The following ZNF407 variants were observed in gnomAD, a reference collection of about 807,000 sequenced individuals.
The protein encoded by ZNF407 is zinc finger protein 407.
Under a neutral mutation model 131.2 loss-of-function variants are expected in ZNF407, and 17 were observed. That is an observed-to-expected ratio of 0.13 (90% CI 0.09 to 0.19). ZNF407 has a LOEUF of 0.19. Ranked by LOEUF, ZNF407 falls within the 10% of genes least tolerant of loss-of-function variation. The probability of loss-of-function intolerance (pLI) is 1.00; values close to 1 mark genes in which losing one functional copy is unlikely to be tolerated. For synonymous variants in ZNF407, 1,156 were observed against 1,062.0 expected (o/e 1.09, Z -1.72); for missense variants, 2,681 against 2,830.6 (o/e 0.95, Z 1.20).
chr18:74,626,119 C>T (rs952965224), intron 1 of ZNF407, among the ~76,000 whole-genome samples: 35 of 152,250 alleles, frequency 2.3e-4, no homozygotes, highest in African/African-American at 8.2e-4. Context: ...TAACAAAGCA[C>T]ATTAAAAAGT....
intron 3 of ZNF407, among the ~76,000 whole-genome samples, chr18:74,710,722 A>G (rs539159702): frequency 6.6e-6 from 1 of 152,356 alleles, no homozygotes; most frequent in African/African-American, 2.4e-5. Flanking sequence ...AAAAACTAGC[A>G]GTAAAGGGCT....
At chr18:74,745,649 C>A (rs1968652271) in intron 3 of ZNF407, among the ~76,000 whole-genome samples, 1 of 152,158 alleles carries the variant, frequency 6.6e-6, no homozygotes, top group Admixed American at 6.5e-5. Context: ...AACATACTTT[C>A]TCCATCAATT....
At chr18:74,894,581 C>T (rs988607784) in intron 7 of ZNF407, among the ~76,000 whole-genome samples, 6 of 152,094 alleles carry the variant, frequency 3.9e-5, no homozygotes, top group African/African-American at 1.4e-4. Flanking sequence ...ATGTGTTTCA[C>T]TTCAGTGGCC....
chr18:75,061,160 A>G (rs1973629095), intron 8 of ZNF407: 1 of 152,350 alleles, frequency 6.6e-6, no homozygotes, highest in African/African-American at 2.4e-5. Flanking sequence ...AATCTTGAAC[A>G]GTTCTTGATC....
At chr18:74,916,969 CTCT>C (rs947390250) in intron 7 of ZNF407, among the ~76,000 whole-genome samples, 26 of 152,060 alleles carry the variant, frequency 1.7e-4, no homozygotes, top group Non-Finnish European at 2.2e-4. Flanking sequence ...GGCTGAGAAC[CTCT>C]TCTTCTTCTT....
chr18:74,721,945 A>G (rs1599098751), intron 3 of ZNF407, among the ~76,000 whole-genome samples: 1 of 151,828 alleles, frequency 6.6e-6, no homozygotes, highest in Admixed American at 6.6e-5. Flanking sequence ...TCTACCTTCC[A>G]TTGTTTGTCA....
At chr18:74,978,947 G>A (rs184929360) in intron 8 of ZNF407, among the ~76,000 whole-genome samples, 4 of 152,270 alleles carry the variant, frequency 2.6e-5, no homozygotes, top group Admixed American at 2.0e-4. Flanking sequence ...AGGCGTGAGG[G>A]CTGTGGGCGG....
At chr18:74,843,328 T>C (rs570141661) in intron 4 of ZNF407, among the ~76,000 whole-genome samples, 1 of 152,302 alleles carries the variant, frequency 6.6e-6, no homozygotes, top group South Asian at 2.1e-4. Flanking sequence ...AGATCGTTTA[T>C]ATTTATTCAG....
At chr18:74,938,715 C>T (rs1460869204) in intron 8 of ZNF407, among the ~76,000 whole-genome samples, 1 of 152,102 alleles carries the variant, frequency 6.6e-6, no homozygotes, top group African/African-American at 2.4e-5. Flanking sequence ...TTAAGAACTA[C>T]AAGGGAAGGA....
intron 3 of ZNF407, among the ~76,000 whole-genome samples, chr18:74,697,551 G>A (rs1255734447): frequency 2.0e-5 from 3 of 151,556 alleles, no homozygotes; most frequent in Non-Finnish European, 2.9e-5. Flanking sequence ...GAATATAAAC[G>A]TTATGATTGC....
At chr18:74,685,777 C>A (rs1029753327) in intron 3 of ZNF407, among the ~76,000 whole-genome samples, 1 of 152,240 alleles carries the variant, frequency 6.6e-6, no homozygotes, top group African/African-American at 2.4e-5. Context: ...GCTCCACTCA[C>A]ATGCCGCCTT....
intron 1 of ZNF407, among the ~76,000 whole-genome samples, chr18:74,600,170 A>G (rs1982519306): frequency 1.3e-5 from 2 of 152,210 alleles, no homozygotes; most frequent in Non-Finnish European, 2.9e-5. Context: ...AACCATGGCA[A>G]TGGACTTGGC....
intron 8 of ZNF407, among the ~76,000 whole-genome samples, chr18:75,024,009 G>A (rs1973142446): frequency 1.3e-5 from 2 of 152,126 alleles, no homozygotes; most frequent in African/African-American, 4.8e-5. Flanking sequence ...TGGGTTTGAG[G>A]AAGAAAACAA....
At position 74,692,571 on chromosome 18, in the gene ZNF407, C is replaced by T. The variant is rs1568169258; in HGVS notation, c.4802+51449C>T. On this transcript the variant is annotated intron_variant, in intron 3 of 8. Coordinates refer to ENST00000299687, the MANE Select transcript of ZNF407 (RefSeq NM_017757.3). ...CCTTCTCAGAGTTCCTGCCCTTTTT[C>T]CTTGACACCTTTCCTCAGCCTCGTG... Among the ~76,000 whole-genome samples the T allele has an allele frequency of 3.9e-5, 6 of 152,096 alleles. No homozygotes were observed. In the South Asian group the frequency reaches 1.2e-3, roughly 31 times the overall value.
At chr18:74,939,328 T>A (rs1972072274) in intron 8 of ZNF407, among the ~76,000 whole-genome samples, 1 of 152,210 alleles carries the variant, frequency 6.6e-6, no homozygotes, top group Non-Finnish European at 1.5e-5. Context: ...TATTGACAGA[T>A]AATCACTGTG....
intron 8 of ZNF407, chr18:75,062,868 G>A (rs1973654244): frequency 7.1e-6 from 2 of 280,762 alleles, no homozygotes; most frequent in Non-Finnish European, 1.3e-5. Context: ...GCATTGGAGA[G>A]GCGCACACCC....
At chr18:74,731,934 G>A (rs960637045) in intron 3 of ZNF407, among the ~76,000 whole-genome samples, 3 of 152,074 alleles carry the variant, frequency 2.0e-5, no homozygotes, top group Admixed American at 6.6e-5. Context: ...AAGAACAAGC[G>A]CTAGGTCCTA....
intron 3 of ZNF407, among the ~76,000 whole-genome samples, chr18:74,775,915 G>A (rs941898195): frequency 2.6e-5 from 4 of 152,168 alleles, no homozygotes; most frequent in Admixed American, 6.5e-5. Context: ...ACCAGATCTT[G>A]CGAGCTCTCT....
intron 8 of ZNF407, among the ~76,000 whole-genome samples, chr18:74,958,623 TGCAG>T (rs567695220): frequency 9.6e-4 from 146 of 152,318 alleles, no homozygotes; most frequent in Non-Finnish European, 2.0e-3. Flanking sequence ...ACACAAGCTA[TGCAG>T]GCAGAGGGTG....
Sources: gnomAD v4.1 joint callset for allele counts (sites outside exome capture counted in the v4.1 genomes callset) on GRCh38, gnomAD v4.1.1 for gene constraint, MANE v1.5 for transcripts, NCBI Gene and HGNC (gene_info 2026-07-23, HGNC 2026-07-21) for gene names.